CDH9: variants seen among roughly 807,000 people sequenced by gnomAD.
The protein encoded by CDH9 is cadherin 9, also known as cadherin-9.
A neutral mutation model predicts 70.9 loss-of-function variants in CDH9; 28 were observed. That is an observed-to-expected ratio of 0.40 (90% CI 0.29 to 0.54). The LOEUF (loss-of-function observed/expected upper bound fraction) is 0.54, where lower values mean the gene tolerates loss of function less well. CDH9 is among the 20% of genes least tolerant of loss of function. CDH9 has a pLI of 0.59. For synonymous variants in CDH9, 409 were observed against 343.1 expected, an observed-to-expected ratio of 1.19 and a Z score of -2.12; for missense variants, 874 against 984.4, an observed-to-expected ratio of 0.89 and a Z score of 1.50.
intron 1 of CDH9, among the ~76,000 whole-genome samples, chr5:27,022,252 T>A (rs986413812): frequency 6.6e-6 from 1 of 152,106 alleles, no homozygotes; most frequent in Non-Finnish European, 1.5e-5. Context: ...ATGTTTTTTT[T>A]AATCTAGTTT....
At position 26,903,734 on chromosome 5, in the gene CDH9, G is replaced by A. The variant is rs1163327293; in HGVS notation, c.902C>T (p.Ala301Val). The A allele has an allele frequency of 1.9e-6, 3 of 1,606,050 alleles. No homozygotes were observed. Among genetic ancestry groups the A allele is most frequent in the Non-Finnish European group, 2.6e-6 (3 of 1,174,480 alleles). ...KANDPDVGEN[A>V]EMEYSIAEGD... The stretch of plus-strand genomic sequence containing the variant: ...TTCAGCAATGCTATACTCCATTTCT[G>A]CATTTTCCCCCACGTCAGGGTCATT... Residue 301 changes from alanine to valine, a missense_variant, in exon 6 of 12, where the codon GCA becomes GTA. Coordinates refer to ENST00000231021, the MANE Select transcript of CDH9 (RefSeq NM_016279.4).
At chr5:27,019,382 T>A (rs1743098646) in intron 1 of CDH9, among the ~76,000 whole-genome samples, 1 of 152,030 alleles carries the variant, frequency 6.6e-6, no homozygotes, top group Admixed American at 6.6e-5. Flanking sequence ...GCTAATCCCA[T>A]CTTAGTAATT....
chr5:26,971,196 T>C (rs1742213440), intron 2 of CDH9, among the ~76,000 whole-genome samples: 1 of 152,146 alleles, frequency 6.6e-6, no homozygotes, highest in Admixed American at 6.5e-5. Context: ...GATTCCAGCA[T>C]CATTCACCAT....
At chr5:26,977,483 G>GTATATATATATATA (rs1487464701) in intron 2 of CDH9, among the ~76,000 whole-genome samples, 1 of 141,466 alleles carries the variant, frequency 7.1e-6, no homozygotes. Flanking sequence ...GTGTGTGTGT[G>GTATATATATATATA]TGTATATATA....
chr5:26,918,262 AG>A (rs1374860598), intron 2 of CDH9, among the ~76,000 whole-genome samples: 1 of 152,056 alleles, frequency 6.6e-6, no homozygotes, highest in East Asian at 1.9e-4. Flanking sequence ...CCTCTAACTA[AG>A]TATTTGTCAT....
intron 2 of CDH9, among the ~76,000 whole-genome samples, chr5:26,936,282 T>C (rs1358383791): frequency 6.6e-6 from 1 of 152,178 alleles, no homozygotes; most frequent in Non-Finnish European, 1.5e-5. Flanking sequence ...AGTATATTTC[T>C]ATAGCAATTA....
At chr5:26,986,744 G>A (rs976843094) in intron 2 of CDH9, among the ~76,000 whole-genome samples, 13 of 151,968 alleles carry the variant, frequency 8.6e-5, no homozygotes, top group Admixed American at 5.9e-4. Flanking sequence ...AAAAACATTT[G>A]CTAGCTGAAC....
At chr5:26,975,028 G>T (rs1189403577) in intron 2 of CDH9, among the ~76,000 whole-genome samples, 1 of 151,928 alleles carries the variant, frequency 6.6e-6, no homozygotes, top group Non-Finnish European at 1.5e-5. Flanking sequence ...ACATATAATA[G>T]AATAAAAAAA....
chr5:26,932,817 T>G (rs529748770), intron 2 of CDH9, among the ~76,000 whole-genome samples: 46 of 151,916 alleles, frequency 3.0e-4, no homozygotes, highest in African/African-American at 1.1e-3. Flanking sequence ...CCTGATTGTT[T>G]GTCTTGTTCA....
intron 1 of CDH9, among the ~76,000 whole-genome samples, chr5:27,005,841 G>A (rs1742853493): frequency 6.6e-6 from 1 of 152,114 alleles, no homozygotes; most frequent in Non-Finnish European, 1.5e-5. Context: ...GCAGCCATAA[G>A]AAGGAATGCA....
At chr5:26,953,947 A>AACAC (rs143498199) in intron 2 of CDH9, among the ~76,000 whole-genome samples, 3 of 151,918 alleles carry the variant, frequency 2.0e-5, no homozygotes, top group East Asian at 3.9e-4. Context: ...TGAAACATAA[A>AACAC]ACACACACAC....
intron 1 of CDH9, among the ~76,000 whole-genome samples, chr5:27,033,694 T>A (rs1207285655): frequency 2.0e-5 from 3 of 151,570 alleles, no homozygotes; most frequent in Non-Finnish European, 4.4e-5. Flanking sequence ...GAAGCATTTA[T>A]AACATATATA....
At chr5:26,938,973 A>C (rs1741610126) in intron 2 of CDH9, among the ~76,000 whole-genome samples, 1 of 152,074 alleles carries the variant, frequency 6.6e-6, no homozygotes, top group Non-Finnish European at 1.5e-5. Context: ...AAATGAAGAG[A>C]AATAGTAACA....
At chr5:26,974,181 T>C (rs1320847142) in intron 2 of CDH9, among the ~76,000 whole-genome samples, 4 of 152,074 alleles carry the variant, frequency 2.6e-5, no homozygotes, top group African/African-American at 9.7e-5. Context: ...GAGACAGTGG[T>C]TGCAGAGATG....
At chr5:27,020,656 G>A (rs976618210) in intron 1 of CDH9, among the ~76,000 whole-genome samples, 14 of 150,912 alleles carry the variant, frequency 9.3e-5, no homozygotes, top group East Asian at 3.9e-4. Context: ...ATCTTGATCC[G>A]ATGTATTATT....
At chr5:26,953,018 T>C (rs1444764249) in intron 2 of CDH9, among the ~76,000 whole-genome samples, 1 of 152,038 alleles carries the variant, frequency 6.6e-6, no homozygotes. Context: ...GTTATATAAT[T>C]GATATTCTAC....
Position 27,003,424 on chromosome 5 carries a change from G to A in CDH9, c.-49-15042C>T, listed in dbSNP as rs191417316. ...CACAGAGTAATTTCCTTCCAAAAAG[G>A]ACAGTGTAGAAATTGCAAGAAACAA... On this transcript the variant is annotated intron_variant, in intron 1 of 11. Coordinates refer to ENST00000231021, the MANE Select transcript of CDH9 (RefSeq NM_016279.4). Among the ~76,000 whole-genome samples the A allele has an allele frequency of 4.6e-5, 7 of 152,028 alleles. No homozygotes were observed. In the East Asian group the frequency reaches 1.4e-3, roughly 29 times the overall value.
At chr5:26,939,716 A>T (rs1186238829) in intron 2 of CDH9, among the ~76,000 whole-genome samples, 1 of 152,160 alleles carries the variant, frequency 6.6e-6, no homozygotes, top group African/African-American at 2.4e-5. Context: ...CATACTTCTA[A>T]GTATATTTAT....
At chr5:26,965,015 T>TTTATCAAAATTTATCAAAACA (rs1742105323) in intron 2 of CDH9, among the ~76,000 whole-genome samples, 1 of 152,168 alleles carries the variant, frequency 6.6e-6, no homozygotes, top group Admixed American at 6.6e-5. Context: ...AAATTTCAAA[T>TTTATCAAAATTTATCAAAACA]GCTTATGTCT....
Sources: allele counts gnomAD v4.1 joint callset (sites outside exome capture counted in the v4.1 genomes callset), GRCh38; gene constraint gnomAD v4.1.1; transcripts MANE v1.5; gene names NCBI Gene and HGNC (gene_info 2026-07-23, HGNC 2026-07-21).